ATP1B1: variants seen among roughly 807,000 people sequenced by gnomAD.
The protein encoded by ATP1B1 is sodium/potassium-transporting ATPase subunit beta-1.
A neutral mutation model predicts 39.6 loss-of-function variants in ATP1B1; 3 were observed. The ratio of observed to expected loss-of-function variants is 0.08; its 90% CI spans 0.03 to 0.20. The LOEUF is 0.20. ATP1B1 is among the 10% of genes least tolerant of loss of function. The pLI is 1.00. For synonymous variants in ATP1B1, 139 were observed against 135.0 expected (o/e 1.03, Z -0.20); for missense variants, 216 against 371.1 (o/e 0.58, Z 3.43).
chr1:169,110,844 T>A (rs909117578), intron 1 of ATP1B1: 1 of 441,364 alleles, frequency 2.3e-6, no homozygotes, highest in African/African-American at 2.1e-5. Context: ...ACTGGGTTTC[T>A]CAGGATTCAT....
chr1:169,118,815 G>T (rs1657912163), intron 2 of ATP1B1, among the ~76,000 whole-genome samples: 1 of 152,020 alleles, frequency 6.6e-6, no homozygotes, highest in African/African-American at 2.4e-5. Flanking sequence ...TGCTTCCTGT[G>T]CCCTTCTCAG....
chr1:169,124,160 C>T lies in ATP1B1; in HGVS notation c.227-724C>T, dbSNP rs10919064. Reference sequence around the variant, plus strand: ...CATCTAGGAAGTCTCATGAAGGCAGCGGCTTTTGGATATTAAAGAATGTAA... The same window carrying T: ...CATCTAGGAAGTCTCATGAAGGCAGTGGCTTTTGGATATTAAAGAATGTAA... On this transcript the variant is annotated intron_variant, in intron 2 of 5. Coordinates refer to ENST00000367815, the MANE Select transcript of ATP1B1 (RefSeq NM_001677.4). Among the ~76,000 whole-genome samples the T allele has an allele frequency of 4.0e-5, 6 of 151,890 alleles. No homozygotes were observed. The South Asian group carries it at 1.0e-3, about 26-fold the overall frequency.
At position 169,132,019 on chromosome 1, in the gene ATP1B1, A is replaced by ATTTTTTTTTT. The variant is rs34447553; in HGVS notation, c.*477_*486dup. ...CAACGGGAATAAAACTGGCATGGTA[A>ATTTTTTTTTT]TTTTTTTTTTTTTTTTTTTTTTGTT... is the stretch of plus-strand genomic sequence containing the variant. On this transcript the variant is annotated 3_prime_UTR_variant, in exon 6 of 6. Transcript: ENST00000367815. 2,542 of 190,258 alleles carry ATTTTTTTTTT rather than the reference A, an allele frequency of 0.013. 40 individuals carry two copies. Among genetic ancestry groups the ATTTTTTTTTT allele is most frequent in the East Asian group, 0.045 (198 of 4,360 alleles). 11.8% of individuals were successfully genotyped at this position (190,258 alleles called of 1,614,324 possible). A position where few individuals can be genotyped will look rare whatever the true frequency, so the allele number is the denominator to read the frequency against.
intron 1 of ATP1B1, among the ~76,000 whole-genome samples, chr1:169,109,234 ATT>A (rs570744596): frequency 8.5e-4 from 130 of 152,232 alleles, no homozygotes; most frequent in Admixed American, 2.0e-3. Flanking sequence ...TTGTTTGTTC[ATT>A]TGTTTGTTTT....
intron 2 of ATP1B1, among the ~76,000 whole-genome samples, chr1:169,116,290 G>C (rs16861916): frequency 0.046 from 7,053 of 152,304 alleles, 543 homozygotes; most frequent in African/African-American, 0.16. Flanking sequence ...GTGGGTCCGG[G>C]AGATTCCCAG....
rs1472618580 is a variant in ATP1B1, at chr1:169,132,415, G to T, written c.*860G>T. 2 of 441,766 alleles carry T rather than the reference G, an allele frequency of 4.5e-6. No individual in the cohort carries two copies. Among genetic ancestry groups the T allele is most frequent in the Non-Finnish European group, 8.1e-6 (2 of 246,688 alleles). The allele number at this position is 441,766 out of a possible 1,614,324, so 27.4% of individuals were successfully genotyped here. On this transcript the variant is annotated 3_prime_UTR_variant, in exon 6 of 6. Transcript: ENST00000367815. ...TGGAGGCATCACATGCTGGTGCTGT[G>T]TCTTTATGAATGTTTTAACCATTTT... is the stretch of plus-strand genomic sequence containing the variant.
intron 1 of ATP1B1, among the ~76,000 whole-genome samples, chr1:169,107,404 G>C (rs1179583895): frequency 6.6e-6 from 1 of 152,190 alleles, no homozygotes; most frequent in Non-Finnish European, 1.5e-5. Flanking sequence ...TCTCAAAAGA[G>C]AGGAAAGAGA....
At chr1:169,110,231 G>A (rs570966371) in intron 1 of ATP1B1, among the ~76,000 whole-genome samples, 1 of 152,154 alleles carries the variant, frequency 6.6e-6, no homozygotes, top group Non-Finnish European at 1.5e-5. Context: ...TCCTGCAGTT[G>A]TGTACCCACT....
chr1:169,117,086 G>T lies in ATP1B1; in HGVS notation c.226+5588G>T, dbSNP rs79245022. On this transcript the variant is annotated intron_variant, in intron 2 of 5. Coordinates refer to ENST00000367815, the MANE Select transcript of ATP1B1 (RefSeq NM_001677.4). ...CATTTGGCTTCCTTATACTTTGGAG[G>T]GGTTGTTAGTGCAAAGTGCCAGTAA... Among the ~76,000 whole-genome samples, 423 of 152,222 alleles carry T rather than the reference G, an allele frequency of 2.8e-3. 3 individuals carry two copies. Among genetic ancestry groups the T allele is most frequent in the African/African-American group, 8.9e-3 (370 of 41,518 alleles).
chr1:169,106,970 T>A (rs1657606091), intron 1 of ATP1B1, 44 bp downstream of exon 1: 1 of 1,532,420 alleles, frequency 6.5e-7, no homozygotes, highest in Non-Finnish European at 8.8e-7. Flanking sequence ...GTCTGATCTT[T>A]CCCGGGCGGC....
At chr1:169,110,579 T>G (rs1212121326) in intron 1 of ATP1B1, 1 of 959,612 alleles carries the variant, frequency 1.0e-6, no homozygotes, top group Non-Finnish European at 1.4e-6. Context: ...TTTTTTTTTT[T>G]TTTTTTTGCT....
chr1:169,112,003 C>T (rs1328653331), intron 2 of ATP1B1, among the ~76,000 whole-genome samples: 3 of 152,166 alleles, frequency 2.0e-5, no homozygotes, highest in Non-Finnish European at 2.9e-5. Flanking sequence ...CAGCTACTCA[C>T]AGGGAGAGGA....
At chr1:169,114,348 A>G (rs1212205315) in intron 2 of ATP1B1, among the ~76,000 whole-genome samples, 1 of 152,232 alleles carries the variant, frequency 6.6e-6, no homozygotes, top group Non-Finnish European at 1.5e-5. Flanking sequence ...AATTTGAGTT[A>G]GATACACCTA....
chr1:169,117,532 A>G (rs982672254), intron 2 of ATP1B1, among the ~76,000 whole-genome samples: 1 of 152,166 alleles, frequency 6.6e-6, no homozygotes, highest in Admixed American at 6.5e-5. Context: ...GAGACCTGAT[A>G]AGTAGGAAGG....
chr1:169,130,236 A>G (rs562103743), intron 5 of ATP1B1, 146 bp downstream of exon 5: 2 of 689,824 alleles, frequency 2.9e-6, no homozygotes, highest in South Asian at 4.3e-5. Flanking sequence ...AGTGAGATGA[A>G]TTGTAGCTAT....
intron 2 of ATP1B1, among the ~76,000 whole-genome samples, chr1:169,124,461 C>T (rs1658047562): frequency 6.6e-6 from 1 of 152,178 alleles, no homozygotes; most frequent in Non-Finnish European, 1.5e-5. Flanking sequence ...GGTAAAGCCA[C>T]CTGCACACAA....
At chr1:169,129,504 AAAT>A (rs1471344127) in intron 4 of ATP1B1, among the ~76,000 whole-genome samples, 1 of 152,214 alleles carries the variant, frequency 6.6e-6, no homozygotes, top group African/African-American at 2.4e-5. Context: ...AACGCTCCTT[AAAT>A]GGCAGTCTCC....
intron 4 of ATP1B1, among the ~76,000 whole-genome samples, chr1:169,128,207 AATC>A: frequency 6.6e-6 from 1 of 152,098 alleles, no homozygotes; most frequent in Non-Finnish European, 1.5e-5. Context: ...GTTTCCCCCT[AATC>A]ACCCGTATAT....
rs772932534 is a variant in ATP1B1, at chr1:169,124,928, C to T, written c.271C>T (p.Arg91Cys). ...GATCCAGAAGACTGAAATTTCCTTT[C>T]GTCCTAATGATCCCAAGAGCTATGA... ...PQIQKTEISFRPNDPKSYEAY... is the reference protein window; with the variant it reads ...PQIQKTEISFCPNDPKSYEAY... The change falls in exon 3 of 6, where the codon CGT becomes TGT. Residue 91 changes from arginine (R) to cysteine (C), a missense_variant. Physicochemically the swap from Arg to Cys is radical, Grantham distance 180. Transcript: ENST00000367815. 5 of 1,613,954 alleles carry T rather than the reference C, an allele frequency of 3.1e-6. No homozygotes were observed. The highest frequency in any genetic ancestry group is 1.3e-5 in the African/African-American group (1 of 75,036).
Sources: gnomAD v4.1 joint callset for allele counts (sites outside exome capture counted in the v4.1 genomes callset) on GRCh38, gnomAD v4.1.1 for gene constraint, MANE v1.5 for transcripts, NCBI Gene and HGNC (gene_info 2026-07-23, HGNC 2026-07-21) for gene names.